NEBL: variants seen among roughly 807,000 people sequenced by gnomAD.
NEBL encodes the protein LIM and SH3 protein 2.
Under a neutral mutation model 140.2 loss-of-function variants are expected in NEBL, and 122 were observed. That is an observed-to-expected ratio of 0.87 (90% CI 0.75 to 1.01). The LOEUF is 1.01. Ranked by LOEUF, NEBL falls within the 50% of genes least tolerant of loss-of-function variation. NEBL has a pLI of 0.00. For synonymous variants in NEBL, 436 were observed against 398.9 expected (o/e 1.09, Z -1.11); for missense variants, 1,365 against 1,231.3 (o/e 1.11, Z -1.62).
chr10:21,030,102 A>G, intron 2 of NEBL: 1 of 475,914 alleles, frequency 2.1e-6, no homozygotes. Context: ...GGAGGGGCAA[A>G]GCCCGTTGAT....
intron 4 of NEBL, among the ~76,000 whole-genome samples, chr10:20,951,469 C>A (rs1389986956): frequency 6.8e-6 from 1 of 147,312 alleles, no homozygotes; most frequent in African/African-American, 2.4e-5. Context: ...AGCATAGTTG[C>A]ATACTTAAAA....
intron 2 of NEBL, among the ~76,000 whole-genome samples, chr10:21,142,672 A>G (rs1222175381): frequency 6.6e-6 from 1 of 152,166 alleles, no homozygotes; most frequent in African/African-American, 2.4e-5. Flanking sequence ...AGGGGCCCCC[A>G]ACCCCCAGGG....
chr10:20,974,606 CA>C (rs1466543292), intron 3 of NEBL, among the ~76,000 whole-genome samples: 1 of 152,130 alleles, frequency 6.6e-6, no homozygotes, highest in Non-Finnish European at 1.5e-5. Flanking sequence ...AGATTCTAAA[CA>C]ATGTAAACAA....
chr10:21,280,007 G>A (rs1842972307), intron 1 of NEBL, among the ~76,000 whole-genome samples: 1 of 151,996 alleles, frequency 6.6e-6, no homozygotes, highest in African/African-American at 2.4e-5. Flanking sequence ...AAACTCTAAA[G>A]CTTCTCTGCC....
chr10:21,221,939 G>A (rs1322595579), intron 3 of NEBL, among the ~76,000 whole-genome samples: 1 of 151,844 alleles, frequency 6.6e-6, no homozygotes, highest in Non-Finnish European at 1.5e-5. Context: ...GCATGGCGTT[G>A]AGTGATGAAA....
At chr10:21,150,079 G>A (rs572793221) in intron 2 of NEBL, among the ~76,000 whole-genome samples, 21 of 152,186 alleles carry the variant, frequency 1.4e-4, no homozygotes, top group African/African-American at 5.1e-4. Context: ...ACTAAATAAA[G>A]GCTCCCATTG....
At chr10:21,040,207 A>G (rs1219704310) in intron 2 of NEBL, among the ~76,000 whole-genome samples, 2 of 152,156 alleles carry the variant, frequency 1.3e-5, no homozygotes, top group Admixed American at 6.5e-5. Flanking sequence ...CTCTACTAAA[A>G]ATACAAAAAT....
intron 18 of NEBL, among the ~76,000 whole-genome samples, chr10:20,824,592 A>T (rs1839657954): frequency 6.6e-6 from 1 of 152,192 alleles, no homozygotes; most frequent in Admixed American, 6.5e-5. Context: ...GATCTAGCTA[A>T]TCTTAAAAGG....
At chr10:20,869,879 T>G in intron 5 of NEBL, 38 bp from the exon 6 acceptor site, 2 of 1,293,204 alleles carry the variant, frequency 1.5e-6, no homozygotes, top group East Asian at 2.3e-5. Context: ...ATAAATAAAT[T>G]AGTAATTTCA....
At chr10:20,867,496 C>T (rs1853594562) in intron 7 of NEBL, among the ~76,000 whole-genome samples, 1 of 152,074 alleles carries the variant, frequency 6.6e-6, no homozygotes, top group South Asian at 2.1e-4. Context: ...ACTCTGCAAA[C>T]ATTACCTTTT....
chr10:20,896,940 A>AT lies in NEBL; in HGVS notation c.153+17dup, dbSNP rs1847553030. 6.2e-7 allele frequency: 1 copy of AT among 1,611,516 alleles called. No homozygotes were observed. Among genetic ancestry groups the AT allele is most frequent in the African/African-American group, 1.3e-5 (1 of 74,840 alleles). On this transcript the variant is annotated intron_variant, in intron 2 of 27. Transcript: ENST00000377122. ...AGGTGCAATGCAAAATAAGACAAAA[A>AT]TTACTCCAGCCACTTACATCGCTAA...
At chr10:21,079,513 A>T (rs11012514) in intron 2 of NEBL, among the ~76,000 whole-genome samples, 27,286 of 152,074 alleles carry the variant, frequency 0.18, 3,321 homozygotes, top group African/African-American at 0.36. Flanking sequence ...TGGAGCTTCA[A>T]CCTTTTCTCC....
intron 7 of NEBL, among the ~76,000 whole-genome samples, chr10:20,866,211 T>C (rs564437499): frequency 6.6e-6 from 1 of 152,078 alleles, no homozygotes; most frequent in Non-Finnish European, 1.5e-5. Flanking sequence ...CACACCATTC[T>C]GGGAAGGGGG....
chr10:20,931,837 C>T (rs1036526766), intron 4 of NEBL, among the ~76,000 whole-genome samples: 2 of 152,120 alleles, frequency 1.3e-5, no homozygotes, highest in African/African-American at 2.4e-5. Flanking sequence ...CCCACACTAA[C>T]CAAGCCTATT....
At chr10:20,819,652 A>C in intron 19 of NEBL, 136 bp from the exon 20 acceptor site, 2 of 1,079,102 alleles carry the variant, frequency 1.9e-6, no homozygotes, top group Non-Finnish European at 2.8e-6. Flanking sequence ...TTCATAGTGA[A>C]ATATGTATTG....
chr10:21,201,730 T>C (rs552425329), intron 3 of NEBL, among the ~76,000 whole-genome samples: 1 of 152,256 alleles, frequency 6.6e-6, no homozygotes, highest in Non-Finnish European at 1.5e-5. Context: ...GCATCATTTT[T>C]GGTAATATTT....
chr10:21,200,428 C>T (rs999710364), intron 3 of NEBL, among the ~76,000 whole-genome samples: 4 of 144,388 alleles, frequency 2.8e-5, no homozygotes, highest in African/African-American at 1.0e-4. Flanking sequence ...ATTCTCCTGT[C>T]TCAGCCTCCT....
chr10:21,060,946 A>G (rs896229523), intron 2 of NEBL, among the ~76,000 whole-genome samples: 4 of 152,110 alleles, frequency 2.6e-5, no homozygotes. Flanking sequence ...TCTTACTGTC[A>G]GCCTTACTGG....
At position 20,923,890 on chromosome 10, in the gene NEBL, C is replaced by G. The variant is rs80170622; in HGVS notation, c.357+37782G>C. Among the ~76,000 whole-genome samples, 1,060 of 151,908 alleles carry G rather than the reference C, an allele frequency of 7.0e-3. 16 individuals are homozygous for G. Among genetic ancestry groups the G allele is most frequent in the African/African-American group, 0.025 (1,025 of 41,426 alleles). The stretch of plus-strand genomic sequence containing the variant: ...CAGCAGGAATAAAAGGAGGGGAGAG[C>G]TGGAGGATGAAACCCAGCCCACATT... On this transcript the variant is annotated intron_variant, in intron 4 of 6. Transcript: ENST00000417816.
Sources: gnomAD v4.1 joint callset for allele counts (sites outside exome capture counted in the v4.1 genomes callset) on GRCh38, gnomAD v4.1.1 for gene constraint, MANE v1.5 for transcripts, NCBI Gene and HGNC (gene_info 2026-07-23, HGNC 2026-07-21) for gene names.